The following CEP89 variants were observed in gnomAD, a reference collection of about 807,000 sequenced individuals.
CEP89 encodes the protein centrosomal protein of 89 kDa.
CEP89 carries 95 observed loss-of-function variants against 97.6 expected under a neutral mutation model. The ratio of observed to expected loss-of-function variants is 0.97; its 90% CI spans 0.82 to 1.15. The LOEUF (loss-of-function observed/expected upper bound fraction) is 1.15, where lower values mean the gene tolerates loss of function less well. Ranked by LOEUF, CEP89 falls within the 50% of genes most tolerant of loss-of-function variation. CEP89 has a pLI of 0.00. For missense variants in CEP89, 869 were observed against 947.7 expected, an observed-to-expected ratio of 0.92 and a Z score of 1.09; for synonymous variants, 354 against 349.1, an observed-to-expected ratio of 1.01 and a Z score of -0.16.
chr19:32,890,349 A>G (rs1271363302), intron 16 of CEP89, among the ~76,000 whole-genome samples: 1 of 152,128 alleles, frequency 6.6e-6, no homozygotes, highest in East Asian at 1.9e-4. Flanking sequence ...GCAGTGAGCC[A>G]AGATTGTGCC....
chr19:32,935,819 G>A (rs979414217), intron 7 of CEP89, among the ~76,000 whole-genome samples: 2 of 152,064 alleles, frequency 1.3e-5, no homozygotes, highest in African/African-American at 2.4e-5. Context: ...CTGCAGACCC[G>A]AGAATCTCTG....
intron 14 of CEP89, among the ~76,000 whole-genome samples, chr19:32,912,429 A>G (rs1174681596): frequency 6.6e-6 from 1 of 152,092 alleles, no homozygotes; most frequent in Non-Finnish European, 1.5e-5. Context: ...AAGATCAAAA[A>G]CAGGTTTCTC....
chr19:32,902,818 C>T (rs1969809766), intron 14 of CEP89, among the ~76,000 whole-genome samples: 1 of 152,180 alleles, frequency 6.6e-6, no homozygotes, highest in Non-Finnish European at 1.5e-5. Context: ...TGAGAGGAAA[C>T]TGCGTAAAGC....
intron 16 of CEP89, among the ~76,000 whole-genome samples, chr19:32,890,538 C>T (rs144608482): frequency 1.3e-5 from 2 of 152,294 alleles, no homozygotes; most frequent in South Asian, 2.1e-4. Context: ...GAACATCTAA[C>T]GGAGACCACG....
chr19:32,934,208 G>A (rs1970534358), intron 7 of CEP89, among the ~76,000 whole-genome samples: 2 of 152,186 alleles, frequency 1.3e-5, no homozygotes, highest in African/African-American at 4.8e-5. Flanking sequence ...TGCTCCCCCA[G>A]ATGAGGAGCA....
intron 14 of CEP89, among the ~76,000 whole-genome samples, chr19:32,912,760 T>C (rs1296017582): frequency 2.0e-5 from 3 of 152,110 alleles, no homozygotes; most frequent in Non-Finnish European, 2.9e-5. Context: ...ATATAAAATA[T>C]GGCCGGGCGC....
chr19:32,876,028 A>G lies in CEP89; in HGVS notation c.*3134T>C, dbSNP rs1211625319. On this transcript the variant is annotated 3_prime_UTR_variant, in exon 19 of 19. Coordinates refer to ENST00000305768, the MANE Select transcript of CEP89 (RefSeq NM_032816.5). Reference sequence around the variant, plus strand: ...GTTAAGGGCATTCAGGACAGCTCTCATGACAGACTCACACCCACATGCACA... The same window carrying G: ...GTTAAGGGCATTCAGGACAGCTCTCGTGACAGACTCACACCCACATGCACA... The G allele has an allele frequency of 6.6e-6, 1 of 152,290 alleles. No homozygotes were observed. Among genetic ancestry groups the G allele is most frequent in the African/African-American group, 2.4e-5 (1 of 41,452 alleles). The allele number at this position is 152,290 out of a possible 1,614,324, so 9.4% of individuals were successfully genotyped here.
intron 3 of CEP89, among the ~76,000 whole-genome samples, chr19:32,956,882 T>C (rs900737229): frequency 2.6e-5 from 4 of 152,214 alleles, no homozygotes; most frequent in African/African-American, 9.6e-5. Context: ...AGACTGGATA[T>C]TGGATTTCAC....
chr19:32,913,209 C>G (rs1348884938), intron 14 of CEP89, among the ~76,000 whole-genome samples: 1 of 148,856 alleles, frequency 6.7e-6, no homozygotes, highest in African/African-American at 2.5e-5. Flanking sequence ...ATCATATATA[C>G]CATATGTATA....
chr19:32,910,843 A>G (rs1270188356), intron 14 of CEP89, among the ~76,000 whole-genome samples: 1 of 152,210 alleles, frequency 6.6e-6, no homozygotes, highest in Non-Finnish European at 1.5e-5. Context: ...CTCCTGTGAT[A>G]ACAATGCCTG....
Position 32,923,521 on chromosome 19 carries a change from T to C in CEP89, c.1186A>G (p.Met396Val). 1.3e-6 allele frequency: 2 copies of C among 1,599,028 alleles called. No individual in the cohort carries two copies. The highest frequency in any genetic ancestry group is 8.6e-7 in the Non-Finnish European group (1 of 1,166,738). Residue 396 changes from methionine to valine, a missense_variant, in exon 12 of 19, where the codon ATG (methionine) becomes GTG (valine). Coordinates refer to ENST00000305768, the MANE Select transcript of CEP89 (RefSeq NM_032816.5). ...TCTTTCACCACTTCTTGGACTCGCATCCTAAACATTCTCATTTCCTCCTGA... is the reference window on the plus strand; with the variant it reads ...TCTTTCACCACTTCTTGGACTCGCACCCTAAACATTCTCATTTCCTCCTGA... ...TLKEEMRMFR[M>V]RVQEVVKENE... is the part of the protein sequence containing the mutation.
chr19:32,902,010 CTGTGTG>C (rs929591410), intron 14 of CEP89, among the ~76,000 whole-genome samples: 1,436 of 133,796 alleles, frequency 0.011, 23 homozygotes, highest in East Asian at 0.033. Context: ...CTCTCTCTCT[CTGTGTG>C]TGTGTGTGTG....
chr19:32,931,264 A>G, intron 9 of CEP89, 165 bp downstream of exon 9: 1 of 587,216 alleles, frequency 1.7e-6, no homozygotes, highest in Non-Finnish European at 2.9e-6. Flanking sequence ...GGAAGAAGGA[A>G]GGGAAGGAGG....
At chr19:32,941,560 G>A (rs1024523397) in intron 5 of CEP89, among the ~76,000 whole-genome samples, 6 of 152,218 alleles carry the variant, frequency 3.9e-5, no homozygotes, top group South Asian at 4.2e-4. Flanking sequence ...TGAGCAACTC[G>A]TCACTGAAGA....
rs565404224 is a variant in CEP89, at chr19:32,875,990, A to G, written c.*3172T>C. Reference sequence around the variant, plus strand: ...CACTGTTGTCACTGTTTTCCAGCATACAGTTCAGTGGCGTTAAGGGCATTC... The same window carrying G: ...CACTGTTGTCACTGTTTTCCAGCATGCAGTTCAGTGGCGTTAAGGGCATTC... On this transcript the variant is annotated 3_prime_UTR_variant, in exon 19 of 19. Transcript: ENST00000305768. 7.9e-5 allele frequency: 12 copies of G among 152,278 alleles called. 3 individuals are homozygous for G. The highest frequency in any genetic ancestry group is 2.9e-4 in the African/African-American group (12 of 41,544). The allele number at this position is 152,278 out of a possible 1,614,324, so 9.4% of individuals were successfully genotyped here.
intron 17 of CEP89, among the ~76,000 whole-genome samples, chr19:32,885,674 C>T (rs760049141): frequency 6.6e-6 from 1 of 152,172 alleles, no homozygotes; most frequent in Non-Finnish European, 1.5e-5. Flanking sequence ...TGGGTCCATT[C>T]TGTGTCAGTT....
intron 16 of CEP89, among the ~76,000 whole-genome samples, chr19:32,899,570 T>A (rs563049670): frequency 6.6e-6 from 1 of 152,280 alleles, no homozygotes; most frequent in South Asian, 2.1e-4. Flanking sequence ...GGTTCCCAAC[T>A]TATGATGGTT....
At chr19:32,880,505 G>A (rs1433188680) in intron 18 of CEP89, among the ~76,000 whole-genome samples, 1 of 152,034 alleles carries the variant, frequency 6.6e-6, no homozygotes, top group East Asian at 1.9e-4. Context: ...CCCACGTGGT[G>A]GCATGCACCT....
chr19:32,913,631 C>T (rs1970059070), intron 14 of CEP89, among the ~76,000 whole-genome samples: 1 of 136,358 alleles, frequency 7.3e-6, no homozygotes, highest in Admixed American at 8.6e-5. Flanking sequence ...CACACACATA[C>T]ACACACACTT....
Sources: gnomAD v4.1 joint callset for allele counts (sites outside exome capture counted in the v4.1 genomes callset) on GRCh38, gnomAD v4.1.1 for gene constraint, MANE v1.5 for transcripts, NCBI Gene and HGNC (gene_info 2026-07-23, HGNC 2026-07-21) for gene names.